Variants in ERC2 observed in about 807,000 individuals in gnomAD.
ERC2 encodes ELKS/RAB6-interacting/CAST family member 2.
A neutral mutation model predicts 114.8 loss-of-function variants in ERC2; 42 were observed. That is an observed-to-expected ratio of 0.37 (90% CI 0.29 to 0.47). The LOEUF (loss-of-function observed/expected upper bound fraction) is 0.47, where lower values mean the gene tolerates loss of function less well. ERC2 is among the 20% of genes least tolerant of loss of function. The pLI, the probability that ERC2 is intolerant of heterozygous loss-of-function variation, is 0.99. For synonymous variants in ERC2, 454 were observed against 425.5 expected (o/e 1.07, Z -0.82); for missense variants, 939 against 1,150.7 (o/e 0.82, Z 2.66).
At chr3:56,007,104 T>TA in intron 10 of ERC2, 77 bp downstream of exon 10, 1 of 1,362,750 alleles carries the variant, frequency 7.3e-7, no homozygotes, top group Non-Finnish European at 9.8e-7. Context: ...TGTTTCTTTT[T>TA]AAAAACGTCT....
intron 7 of ERC2, among the ~76,000 whole-genome samples, chr3:56,024,700 CA>C (rs1334942293): frequency 1.3e-5 from 2 of 152,116 alleles, no homozygotes; most frequent in Non-Finnish European, 2.9e-5. Flanking sequence ...TCTGGATGGC[CA>C]AAAATTATGA....
intron 15 of ERC2, among the ~76,000 whole-genome samples, chr3:55,707,159 C>T (rs1173996394): frequency 2.6e-5 from 4 of 152,082 alleles, no homozygotes; most frequent in South Asian, 4.1e-4. Flanking sequence ...TGTGGCCAGG[C>T]GCAGTGGCTC....
intron 13 of ERC2, among the ~76,000 whole-genome samples, chr3:55,917,220 C>T (rs990479024): frequency 6.6e-6 from 1 of 152,036 alleles, no homozygotes; most frequent in Non-Finnish European, 1.5e-5. Flanking sequence ...AGTTTGTATA[C>T]CCTTATACAC....
At chr3:56,034,459 C>A (rs1188661053) in intron 7 of ERC2, among the ~76,000 whole-genome samples, 1 of 152,060 alleles carries the variant, frequency 6.6e-6, no homozygotes, top group Non-Finnish European at 1.5e-5. Flanking sequence ...AACAGTAGAT[C>A]TGAATAACAA....
intron 3 of ERC2, among the ~76,000 whole-genome samples, chr3:56,177,419 A>G (rs2083038243): frequency 6.6e-6 from 1 of 152,180 alleles, no homozygotes; most frequent in Non-Finnish European, 1.5e-5. Context: ...TATAGGTATG[A>G]CTGAGTATAA....
chr3:55,873,388 C>T (rs946118597), intron 14 of ERC2, among the ~76,000 whole-genome samples: 2 of 152,176 alleles, frequency 1.3e-5, no homozygotes, highest in Non-Finnish European at 2.9e-5. Flanking sequence ...CTCTCTGAGC[C>T]TCTGTTGCCC....
intron 17 of ERC2, among the ~76,000 whole-genome samples, chr3:55,584,268 T>C (rs1244344467): frequency 6.6e-6 from 1 of 152,134 alleles, no homozygotes; most frequent in Non-Finnish European, 1.5e-5. Context: ...GCAGACTCAG[T>C]TTTCCCATCT....
At chr3:55,882,714 A>G (rs754534414) in intron 14 of ERC2, among the ~76,000 whole-genome samples, 1 of 152,218 alleles carries the variant, frequency 6.6e-6, no homozygotes, top group Non-Finnish European at 1.5e-5. Flanking sequence ...ATGCCATTTT[A>G]TATCAGGGAC....
At chr3:55,677,886 C>T (rs542240872) in intron 17 of ERC2, among the ~76,000 whole-genome samples, 2 of 152,304 alleles carry the variant, frequency 1.3e-5, no homozygotes, top group South Asian at 2.1e-4. Context: ...CTACTCTAAG[C>T]TCCTCGAGGG....
intron 1 of ERC2, among the ~76,000 whole-genome samples, chr3:56,440,557 A>G (rs369796752): frequency 9.9e-5 from 15 of 151,930 alleles, no homozygotes; most frequent in African/African-American, 3.6e-4. Context: ...CAAAAAAAAA[A>G]AAAAAAAAGA....
intron 17 of ERC2, among the ~76,000 whole-genome samples, chr3:55,539,253 A>G (rs887796507): frequency 6.6e-6 from 1 of 152,108 alleles, no homozygotes; most frequent in African/African-American, 2.4e-5. Context: ...CATCTGCCCC[A>G]TGTTCATCAG....
At chr3:56,191,215 G>A (rs968186598) in intron 3 of ERC2, among the ~76,000 whole-genome samples, 2 of 152,104 alleles carry the variant, frequency 1.3e-5, no homozygotes, top group African/African-American at 4.8e-5. Context: ...GCAGTGGGAG[G>A]GAAACCCAGG....
intron 2 of ERC2, among the ~76,000 whole-genome samples, chr3:56,365,501 T>G (rs946397700): frequency 6.6e-6 from 1 of 152,246 alleles, no homozygotes. Context: ...ATCCAGTCAT[T>G]AAGTGATGCA....
At chr3:55,952,394 A>G (rs1455868466) in intron 12 of ERC2, among the ~76,000 whole-genome samples, 2 of 151,932 alleles carry the variant, frequency 1.3e-5, no homozygotes, top group Non-Finnish European at 2.9e-5. Context: ...AGCAACATAC[A>G]CACGTGAAGC....
intron 16 of ERC2, among the ~76,000 whole-genome samples, chr3:55,691,212 A>T (rs930461845): frequency 2.4e-4 from 36 of 152,200 alleles, no homozygotes; most frequent in African/African-American, 7.7e-4. Flanking sequence ...GGGATAAAGA[A>T]AAAAGAGACA....
intron 17 of ERC2, among the ~76,000 whole-genome samples, chr3:55,589,229 A>AG (rs1295536855): frequency 8.0e-5 from 12 of 149,632 alleles, no homozygotes; most frequent in African/African-American, 2.5e-4. Context: ...AAAAAAAAAA[A>AG]AAAAAGAGAG....
chr3:55,878,284 A>G (rs974768516), intron 14 of ERC2, among the ~76,000 whole-genome samples: 24 of 152,272 alleles, frequency 1.6e-4, no homozygotes, highest in African/African-American at 5.8e-4. Context: ...TTCTCTATTA[A>G]AACTATACAT....
At chr3:55,566,723 G>C (rs1393999041) in intron 17 of ERC2, among the ~76,000 whole-genome samples, 1 of 151,772 alleles carries the variant, frequency 6.6e-6, no homozygotes, top group East Asian at 1.9e-4. Context: ...CCGTGCAACA[G>C]ATTGTTGTTC....
chr3:56,304,062 A>T (rs1323509430), intron 2 of ERC2, among the ~76,000 whole-genome samples: 1 of 152,264 alleles, frequency 6.6e-6, no homozygotes, highest in Non-Finnish European at 1.5e-5. Flanking sequence ...TTGAAGAATC[A>T]GCATGGAAAA....
Sources: gnomAD v4.1 joint callset for allele counts (sites outside exome capture counted in the v4.1 genomes callset) on GRCh38, gnomAD v4.1.1 for gene constraint, MANE v1.5 for transcripts, NCBI Gene and HGNC (gene_info 2026-07-23, HGNC 2026-07-21) for gene names.